GLUD1: variants seen among roughly 807,000 people sequenced by gnomAD.
The protein encoded by GLUD1 is glutamate dehydrogenase 1, mitochondrial.
In GLUD1, 22 loss-of-function variants were observed where a neutral mutation model predicts 56.0. That is an observed-to-expected ratio of 0.39 (90% confidence interval 0.28 to 0.56). GLUD1 has a LOEUF of 0.56. GLUD1 is among the 20% of genes least tolerant of loss of function. The pLI is 0.58. For synonymous variants in GLUD1, 223 were observed against 269.9 expected, an observed-to-expected ratio of 0.83 and a Z score of 1.70; for missense variants, 451 against 732.0, an observed-to-expected ratio of 0.62 and a Z score of 4.43.
At chr10:87,060,633 C>T (rs1160045454) in intron 8 of GLUD1, 55 bp downstream of exon 8, 2 of 1,605,750 alleles carry the variant, frequency 1.2e-6, no homozygotes, top group East Asian at 2.2e-5. Context: ...TTCTATGACC[C>T]CCCTAACGTC....
At chr10:87,059,298 A>T (rs1845868849) in intron 9 of GLUD1, 25 bp from the exon 10 acceptor site, 1 of 1,611,682 alleles carries the variant, frequency 6.2e-7, no homozygotes, top group Non-Finnish European at 8.5e-7. Flanking sequence ...AAGACAAAGA[A>T]ATTAGAAGAT....
intron 12 of GLUD1, among the ~76,000 whole-genome samples, chr10:87,052,669 CAAAAAAA>C (rs751155208): frequency 4.8e-5 from 2 of 41,724 alleles, no homozygotes; most frequent in Non-Finnish European, 9.4e-5. Context: ...AACTCCGTCT[CAAAAAAA>C]AAAAAAAAAA....
At chr10:87,076,253 T>C (rs1412642604) in intron 2 of GLUD1, among the ~76,000 whole-genome samples, 1 of 152,204 alleles carries the variant, frequency 6.6e-6, no homozygotes, top group Admixed American at 6.5e-5. Context: ...TAATCAGTGC[T>C]CTTTACCACT....
chr10:87,067,813 A>G (rs925438927), intron 5 of GLUD1: 3 of 449,534 alleles, frequency 6.7e-6, no homozygotes, highest in African/African-American at 6.0e-5. Context: ...TGTACGTTCT[A>G]GTGTCTTAGC....
chr10:87,074,705 A>G, intron 3 of GLUD1, 91 bp from the exon 4 acceptor site: 1 of 783,110 alleles, frequency 1.3e-6, no homozygotes, highest in Non-Finnish European at 2.3e-6. Flanking sequence ...TTTATAGTAC[A>G]TTTTCATATG....
At chr10:87,081,412 C>T (rs1332020054) in intron 1 of GLUD1, among the ~76,000 whole-genome samples, 1 of 152,122 alleles carries the variant, frequency 6.6e-6, no homozygotes, top group Non-Finnish European at 1.5e-5. Context: ...AGTGAGGAGC[C>T]CCTCTGCCCA....
At chr10:87,079,142 C>T (rs190603872) in intron 1 of GLUD1, among the ~76,000 whole-genome samples, 97 of 151,358 alleles carry the variant, frequency 6.4e-4, no homozygotes, top group African/African-American at 2.2e-3. Context: ...TACTTTGTAC[C>T]TCATAAATAT....
intron 1 of GLUD1, chr10:87,091,436 T>C (rs530170963): frequency 1.3e-5 from 2 of 154,202 alleles, no homozygotes; most frequent in Admixed American, 6.5e-5. Context: ...AGAACAATCT[T>C]TGATAATATT....
At chr10:87,052,668 TCAAAA>T (rs1435280502) in intron 12 of GLUD1, among the ~76,000 whole-genome samples, 4 of 16,538 alleles carry the variant, frequency 2.4e-4, no homozygotes, top group African/African-American at 1.3e-4. Flanking sequence ...AAACTCCGTC[TCAAAA>T]AAAAAAAAAA....
At chr10:87,069,135 CATAT>C (rs1393161173) in intron 4 of GLUD1, among the ~76,000 whole-genome samples, 2 of 151,660 alleles carry the variant, frequency 1.3e-5, no homozygotes, top group East Asian at 3.9e-4. Context: ...TCTTCCCTGC[CATAT>C]ATATAGTTTA....
chr10:87,081,339 C>G (rs950649897), intron 1 of GLUD1, among the ~76,000 whole-genome samples: 3 of 148,154 alleles, frequency 2.0e-5, no homozygotes, highest in Non-Finnish European at 3.0e-5. Context: ...GTCAGCCCCC[C>G]ACCCAGCCAG....
intron 4 of GLUD1, 107 bp downstream of exon 4, chr10:87,074,444 C>T: frequency 1.3e-6 from 1 of 743,010 alleles, no homozygotes; most frequent in Non-Finnish European, 2.5e-6. Context: ...GACGAGATCG[C>T]ACCACTGCAC....
At chr10:87,085,848 G>T (rs1243838649) in intron 1 of GLUD1, among the ~76,000 whole-genome samples, 1 of 152,128 alleles carries the variant, frequency 6.6e-6, no homozygotes, top group Non-Finnish European at 1.5e-5. Flanking sequence ...TTAAAAGGGG[G>T]ATTTTGTTAA....
intron 3 of GLUD1, among the ~76,000 whole-genome samples, chr10:87,075,255 A>G (rs532606238): frequency 1.3e-5 from 2 of 152,322 alleles, no homozygotes; most frequent in East Asian, 3.9e-4. Flanking sequence ...GTGCACCACT[A>G]TGCCTGGCTA....
At position 87,074,684 on chromosome 10, in the gene GLUD1, CTTA is replaced by C. The variant is rs559736701; in HGVS notation, c.583-73_583-71del. On this transcript the variant is annotated intron_variant, in intron 3 of 12. Coordinates refer to ENST00000277865, the MANE Select transcript of GLUD1 (RefSeq NM_005271.5). ...AATCGCTTGAGATTATAGCTAGCAT[CTTA>C]TTTTCTATTTATAGTACATTTTCAT... The C allele has an allele frequency of 5.3e-4, 454 of 862,084 alleles. 3 individuals are homozygous for C. In the African/African-American group the frequency reaches 6.6e-3, roughly 13 times the overall value. 53.4% of individuals were successfully genotyped at this position (862,084 alleles called of 1,614,324 possible). A position where few individuals can be genotyped will look rare whatever the true frequency, so the allele number is the denominator to read the frequency against.
At position 87,094,798 on chromosome 10, in the gene GLUD1, G is replaced by A. The variant is rs755763153; in HGVS notation, c.-29C>T. 5 of 1,510,642 alleles carry A rather than the reference G, an allele frequency of 3.3e-6. No individual in the cohort carries two copies. Among genetic ancestry groups the A allele is most frequent in the African/African-American group, 1.4e-5 (1 of 69,674 alleles). 93.6% of individuals were successfully genotyped at this position (1,510,642 alleles called of 1,614,324 possible). On this transcript the variant is annotated 5_prime_UTR_variant, in exon 1 of 13. Transcript: ENST00000277865. This position sits in a 1 kb window ranked among gnomAD's most constrained non-coding sequence, Gnocchi z 6.6. ...CACAAGCGGAGGGGAGGTGCGTGAT[G>A]GTCGCGAAACAGGCGCGCTTTCTCA...
Position 87,076,008 on chromosome 10 carries a change from C to T in GLUD1, c.542G>A (p.Gly181Asp). ...ATTGATCTTAACACCAGCTTTAGCA[C>T]CCCCAAACGGCACATCTGAAAGAGA... ...KCAVVDVPFG[G>D]AKAGVKINPK... Residue 181 changes from glycine to aspartate, a missense_variant, in exon 3 of 13, where the codon GGT becomes GAT. By Grantham distance (94) the Gly-to-Asp change is moderately conservative. Coordinates refer to ENST00000277865, the MANE Select transcript of GLUD1 (RefSeq NM_005271.5). The T allele has an allele frequency of 1.3e-6, 2 of 1,599,972 alleles. No individual in the cohort carries two copies. The highest frequency in any genetic ancestry group is 1.7e-6 in the Non-Finnish European group (2 of 1,172,440).
chr10:87,055,161 G>C (rs1259539898), intron 11 of GLUD1, among the ~76,000 whole-genome samples: 6 of 152,188 alleles, frequency 3.9e-5, no homozygotes, highest in African/African-American at 1.4e-4. Context: ...CCTCCTACAG[G>C]GTAGAGGCAC....
At chr10:87,057,336 C>T (rs936538069) in intron 11 of GLUD1, among the ~76,000 whole-genome samples, 1 of 152,150 alleles carries the variant, frequency 6.6e-6, no homozygotes, top group African/African-American at 2.4e-5. Context: ...CTATGTTCCC[C>T]AGGTTGGTCT....
Sources: allele counts gnomAD v4.1 joint callset (sites outside exome capture counted in the v4.1 genomes callset), GRCh38; gene constraint gnomAD v4.1.1; non-coding constraint Gnocchi (gnomAD v3.1); transcripts MANE v1.5; gene names NCBI Gene and HGNC (gene_info 2026-07-23, HGNC 2026-07-21).